PRUNE2: variants seen among roughly 807,000 people sequenced by gnomAD.
PRUNE2 encodes prune homolog 2 with BCH domain, also known as protein prune homolog 2.
Under a neutral mutation model 252.0 loss-of-function variants are expected in PRUNE2, and 164 were observed. The observed-to-expected ratio is 0.65, with a 90% CI of 0.57 to 0.74. The LOEUF is 0.74. Ranked by LOEUF, PRUNE2 falls within the 30% of genes least tolerant of loss-of-function variation. The pLI, the probability that PRUNE2 is intolerant of heterozygous loss-of-function variation, is 0.00. For missense variants in PRUNE2, 3,495 were observed against 3,711.0 expected (o/e 0.94, Z 1.51); for synonymous variants, 1,292 against 1,350.2 (o/e 0.96, Z 0.94).
chr9:76,644,733 G>A lies in PRUNE2; in HGVS notation c.8728+6C>T, dbSNP rs778493662. 1.7e-5 allele frequency: 27 copies of A among 1,612,948 alleles called. No individual in the cohort carries two copies. Among genetic ancestry groups the A allele is most frequent in the Admixed American group, 1.5e-4 (9 of 59,954 alleles). ...CATTTCCCAGATTCATGCTGAGCTC[G>A]ACTACCTCCGTGAGAAATGACTCTC... is the stretch of plus-strand genomic sequence containing the variant. On this transcript the variant is annotated splice_donor_region_variant and intron_variant, in intron 12 of 18. Coordinates refer to ENST00000376718, the MANE Select transcript of PRUNE2 (RefSeq NM_015225.3).
At position 76,761,032 on chromosome 9, in the gene PRUNE2, G is replaced by C. The variant is rs673270; in HGVS notation, c.757-47311C>G. 1.6e-3 allele frequency among the ~76,000 whole-genome samples: 230 copies of C among 147,308 alleles called. 1 individual carries two copies. Among genetic ancestry groups the C allele is most frequent in the South Asian group, 0.011 (50 of 4,626 alleles). On this transcript the variant is annotated intron_variant, in intron 6 of 18. Transcript: ENST00000376718. ...ACCCAGGAGGCAGAGGTTGCGGTGAGCCGAGATCACACCACTGCACTCCGG... is the reference window on the plus strand; with the variant it reads ...ACCCAGGAGGCAGAGGTTGCGGTGACCCGAGATCACACCACTGCACTCCGG...
At chr9:76,824,186 G>T (rs1021381040) in intron 5 of PRUNE2, among the ~76,000 whole-genome samples, 9 of 152,068 alleles carry the variant, frequency 5.9e-5, no homozygotes, top group African/African-American at 2.2e-4. Context: ...TCTTCCTATT[G>T]GTCAAACCCA....
At chr9:76,657,305 A>T (rs141501703) in intron 9 of PRUNE2, among the ~76,000 whole-genome samples, 65 of 152,356 alleles carry the variant, frequency 4.3e-4, no homozygotes, top group African/African-American at 1.5e-3. Context: ...GCACATGTAC[A>T]TTATTTTTCT....
chr9:76,750,363 T>C (rs2050507416), intron 6 of PRUNE2, among the ~76,000 whole-genome samples: 1 of 152,140 alleles, frequency 6.6e-6, no homozygotes. Context: ...CTTGCACTCA[T>C]TCCAGGTAAA....
intron 9 of PRUNE2, among the ~76,000 whole-genome samples, chr9:76,695,913 A>G (rs1383523783): frequency 1.3e-5 from 2 of 152,188 alleles, no homozygotes; most frequent in African/African-American, 4.8e-5. Context: ...CAGATGGAAA[A>G]AAAAAAGTAG....
At chr9:76,638,050 G>T in intron 13 of PRUNE2, 136 bp downstream of exon 13, 1 of 635,920 alleles carries the variant, frequency 1.6e-6, no homozygotes, top group South Asian at 1.9e-5. Flanking sequence ...AACATTCCTT[G>T]ACAGAAACCT....
chr9:76,651,479 T>C (rs1847364146), intron 11 of PRUNE2, among the ~76,000 whole-genome samples: 1 of 152,220 alleles, frequency 6.6e-6, no homozygotes, highest in African/African-American at 2.4e-5. Context: ...GCTTTTAAGA[T>C]TGCGTGAATT....
At chr9:76,810,384 G>T (rs921681860) in intron 6 of PRUNE2, among the ~76,000 whole-genome samples, 1 of 152,194 alleles carries the variant, frequency 6.6e-6, no homozygotes, top group Non-Finnish European at 1.5e-5. Context: ...CTACTATTAT[G>T]TTCATTTGCT....
chr9:76,694,933 A>G (rs1012471531), intron 9 of PRUNE2, among the ~76,000 whole-genome samples: 66 of 152,314 alleles, frequency 4.3e-4, no homozygotes, highest in African/African-American at 1.5e-3. Context: ...TAAAAAATAA[A>G]TATAAAAAGG....
chr9:76,700,216 AGAGGCT>A (rs1199732568), intron 9 of PRUNE2: 2 of 152,224 alleles, frequency 1.3e-5, no homozygotes, highest in Non-Finnish European at 2.9e-5. Flanking sequence ...GGCAGCTAAG[AGAGGCT>A]GAGGCTGAAG....
chr9:76,645,604 A>G (rs756939053), intron 11 of PRUNE2, among the ~76,000 whole-genome samples: 10 of 152,056 alleles, frequency 6.6e-5, no homozygotes, highest in Non-Finnish European at 1.0e-4. Context: ...AAAAAAGCCT[A>G]CTGAGCATCC....
At chr9:76,671,394 G>T (rs2041445532) in intron 9 of PRUNE2, among the ~76,000 whole-genome samples, 1 of 150,322 alleles carries the variant, frequency 6.7e-6, no homozygotes, top group Non-Finnish European at 1.5e-5. Context: ...CAAGAAATAT[G>T]GGACTATGTG....
At chr9:76,856,996 C>T (rs2060285426) in intron 1 of PRUNE2, 2 of 449,540 alleles carry the variant, frequency 4.4e-6, no homozygotes, top group Non-Finnish European at 8.9e-6. Flanking sequence ...TCAGGTAATC[C>T]ACCCGCCTTT....
intron 9 of PRUNE2, among the ~76,000 whole-genome samples, chr9:76,685,831 AAGG>A (rs1024061219): frequency 1.3e-5 from 2 of 152,200 alleles, no homozygotes; most frequent in African/African-American, 2.4e-5. Flanking sequence ...ATCCAGTGTC[AAGG>A]AGGAGACTCT....
chr9:76,730,963 A>G (rs969259272), intron 6 of PRUNE2, among the ~76,000 whole-genome samples: 1 of 152,112 alleles, frequency 6.6e-6, no homozygotes, highest in Non-Finnish European at 1.5e-5. Flanking sequence ...CATTCTTAAC[A>G]TCTCTCTTTT....
intron 9 of PRUNE2, among the ~76,000 whole-genome samples, chr9:76,673,820 T>C (rs1265225308): frequency 2.0e-5 from 3 of 151,828 alleles, no homozygotes; most frequent in East Asian, 1.9e-4. Context: ...ATTATCTCAA[T>C]AGATGCAGAA....
chr9:76,734,535 T>C (rs990687385), intron 6 of PRUNE2, among the ~76,000 whole-genome samples: 1 of 152,210 alleles, frequency 6.6e-6, no homozygotes, highest in Non-Finnish European at 1.5e-5. Context: ...ACCTACTACA[T>C]AGTTTATCAA....
chr9:76,822,111 T>A (rs7867564), intron 6 of PRUNE2, among the ~76,000 whole-genome samples: 51,308 of 152,054 alleles, frequency 0.34, 8,752 homozygotes, highest in Middle Eastern at 0.41. Flanking sequence ...TTCCTTGGGT[T>A]CTTAGGCACA....
At chr9:76,783,708 A>G (rs1236606996) in intron 6 of PRUNE2, 1 of 152,204 alleles carries the variant, frequency 6.6e-6, no homozygotes, top group African/African-American at 2.4e-5. Context: ...TTTCCAGGTG[A>G]GAAATAAGAA....
Sources: gnomAD v4.1 joint callset for allele counts (sites outside exome capture counted in the v4.1 genomes callset) on GRCh38, gnomAD v4.1.1 for gene constraint, MANE v1.5 for transcripts, NCBI Gene and HGNC (gene_info 2026-07-23, HGNC 2026-07-21) for gene names.